TFIP11: variants seen among roughly 807,000 people sequenced by gnomAD.
The protein encoded by TFIP11 is tuftelin-interacting protein 11.
A neutral mutation model predicts 96.8 loss-of-function variants in TFIP11; 86 were observed. That is an observed-to-expected ratio of 0.89 (90% CI 0.75 to 1.06). The LOEUF is 1.06. TFIP11 is among the 50% of genes least tolerant of loss of function. TFIP11 has a pLI of 0.00. For synonymous variants in TFIP11, 405 were observed against 395.2 expected (o/e 1.02, Z -0.29); for missense variants, 881 against 1,076.7 (o/e 0.82, Z 2.54).
intron 12 of TFIP11, among the ~76,000 whole-genome samples, chr22:26,495,593 TATATAC>T (rs1222543182): frequency 3.2e-5 from 1 of 31,474 alleles, no homozygotes; most frequent in African/African-American, 7.3e-5. Context: ...TGTGTATACA[TATATAC>T]ATATATATGT....
At chr22:26,508,280 C>G (rs1923662239) in intron 4 of TFIP11, among the ~76,000 whole-genome samples, 1 of 152,162 alleles carries the variant, frequency 6.6e-6, no homozygotes, top group Admixed American at 6.5e-5. Context: ...GGTCCAGGTT[C>G]CAATTCTAGC....
At chr22:26,492,576 A>G in intron 14 of TFIP11, 1 of 578,590 alleles carries the variant, frequency 1.7e-6, no homozygotes, top group Non-Finnish European at 3.1e-6. Flanking sequence ...GCTAGTATCT[A>G]GTAACCAGAT....
chr22:26,492,669 GCCACTCTTCTGTTC>G (rs1430910715), intron 14 of TFIP11: 2 of 355,098 alleles, frequency 5.6e-6, no homozygotes, highest in East Asian at 1.3e-4. Context: ...AGAGTCCTCA[GCCACTCTTCTGTTC>G]CCACCTTGCT....
intron 8 of TFIP11, 114 bp from the exon 9 acceptor site, chr22:26,499,745 A>G: frequency 8.9e-7 from 1 of 1,121,766 alleles, no homozygotes; most frequent in South Asian, 1.5e-5. Flanking sequence ...ACATTATTCA[A>G]CAGAGCTGGA....
chr22:26,493,356 C>G (rs1245268883), intron 14 of TFIP11: 3 of 152,252 alleles, frequency 2.0e-5, no homozygotes, highest in Non-Finnish European at 4.4e-5. Context: ...ATTAAAGACT[C>G]AGGAAATAGA....
chr22:26,509,229 A>T (rs767328276), intron 4 of TFIP11, among the ~76,000 whole-genome samples: 1 of 152,112 alleles, frequency 6.6e-6, no homozygotes, highest in African/African-American at 2.4e-5. Flanking sequence ...AGCCTTTCAT[A>T]TCCTTGTGGA....
chr22:26,497,168 A>C (rs564799802), intron 10 of TFIP11, among the ~76,000 whole-genome samples: 41 of 152,278 alleles, frequency 2.7e-4, no homozygotes, highest in Non-Finnish European at 4.7e-4. Flanking sequence ...CCAGGTATCA[A>C]GTGCTTTCCC....
chr22:26,510,295 C>CA lies in TFIP11; in HGVS notation c.-9-15dup. 6.2e-7 allele frequency: 1 copy of CA among 1,613,264 alleles called. No individual in the cohort carries two copies. The highest frequency in any genetic ancestry group is 8.5e-7 in the Non-Finnish European group (1 of 1,179,296). Reference sequence around the variant, plus strand: ...CATGGCCAGTCACTAAAGGAAGAGACAAAAAGAGCACAGGCCGTAAGTCCT... The same window carrying CA: ...CATGGCCAGTCACTAAAGGAAGAGACAAAAAAGAGCACAGGCCGTAAGTCCT... On this transcript the variant is annotated splice_polypyrimidine_tract_variant and intron_variant, in intron 3 of 14. Coordinates refer to ENST00000407690, the MANE Select transcript of TFIP11 (RefSeq NM_012143.4).
chr22:26,493,677 A>G (rs2147118371), intron 14 of TFIP11: 2 of 170,606 alleles, frequency 1.2e-5, no homozygotes, highest in South Asian at 2.8e-4. Flanking sequence ...ACAAGCATGA[A>G]CTCACTCTCC....
intron 12 of TFIP11, 119 bp downstream of exon 12, chr22:26,495,954 A>G: frequency 7.2e-7 from 1 of 1,394,260 alleles, no homozygotes; most frequent in Non-Finnish European, 9.6e-7. Context: ...ACAGCAAGGA[A>G]TATTGTGTAC....
chr22:26,503,849 T>A, intron 6 of TFIP11, 56 bp from the exon 7 acceptor site: 1 of 1,596,088 alleles, frequency 6.3e-7, no homozygotes, highest in Middle Eastern at 1.7e-4. Context: ...AATTCATGTA[T>A]GTGAATCAGC....
intron 8 of TFIP11, among the ~76,000 whole-genome samples, chr22:26,500,799 C>A (rs1239776242): frequency 6.6e-6 from 1 of 151,648 alleles, no homozygotes; most frequent in Non-Finnish European, 1.5e-5. Flanking sequence ...AGGTCTATGA[C>A]ACACTACATA....
chr22:26,510,839 TAGTC>T (rs1287336821), intron 2 of TFIP11, 137 bp from the exon 3 acceptor site: 8 of 153,754 alleles, frequency 5.2e-5, no homozygotes, highest in Non-Finnish European at 1.2e-4. Context: ...ACTATTTTAA[TAGTC>T]AGATGTCCAG....
intron 7 of TFIP11, 40 bp downstream of exon 7, chr22:26,503,626 A>T: frequency 6.2e-7 from 1 of 1,609,458 alleles, no homozygotes; most frequent in Non-Finnish European, 8.5e-7. Context: ...TTAGAAATGG[A>T]CAGGACACCA....
At chr22:26,510,763 T>C in intron 2 of TFIP11, 61 bp from the exon 3 acceptor site, 1 of 155,256 alleles carries the variant, frequency 6.4e-6, no homozygotes, top group Non-Finnish European at 1.4e-5. Flanking sequence ...TGAAACAAAA[T>C]TTTCAGTTTT....
In TFIP11 at chr22:26,503,724, C is replaced by G; in HGVS notation, c.590G>C (p.Arg197Pro). ...GAAGTCTTGCATGGACTGAGTGGTG[C>G]GCTCGGATCCATAAGCCCCCACAGC... ...KGAVGAYGSE[R>P]TTQSMQDFPV... Residue 197 changes from arginine to proline, a missense_variant, in exon 7 of 15, where the codon CGC (arginine) becomes CCC (proline). Arg to Pro is a moderately radical substitution (Grantham distance 103). Transcript: ENST00000407690. The G allele has an allele frequency of 1.2e-6, 2 of 1,613,946 alleles. No homozygotes were observed. Among genetic ancestry groups the G allele is most frequent in the Non-Finnish European group, 1.7e-6 (2 of 1,180,004 alleles).
Position 26,494,994 on chromosome 22 carries a change from A to C in TFIP11, c.1850-55T>G, listed in dbSNP as rs1921740811. 1.2e-5 allele frequency: 20 copies of C among 1,605,790 alleles called. No homozygotes were observed. The Middle Eastern group carries it at 1.2e-3, about 93-fold the overall frequency. On this transcript the variant is annotated intron_variant, in intron 12 of 14. Transcript: ENST00000407690. ...AGCTTTAGTACTGGCAAAGCCAAAG[A>C]AGCACAAAGAGCAAAGACAATGTCC... is the stretch of plus-strand genomic sequence containing the variant.
chr22:26,502,960 A>T (rs544087448), intron 7 of TFIP11, among the ~76,000 whole-genome samples: 1 of 152,302 alleles, frequency 6.6e-6, no homozygotes, highest in South Asian at 2.1e-4. Flanking sequence ...ACATTTATCA[A>T]ATAACTCTTT....
chr22:26,503,648 C>T lies in TFIP11; in HGVS notation c.648+18G>A. ...TGGACAGGACACCATCCACCCATGT[C>T]TCCTGACTTCCAGTTACCTCTTCAG... On this transcript the variant is annotated intron_variant, in intron 7 of 14. Coordinates refer to ENST00000407690, the MANE Select transcript of TFIP11 (RefSeq NM_012143.4). The T allele has an allele frequency of 6.2e-7, 1 of 1,613,382 alleles. No homozygotes were observed. The highest frequency in any genetic ancestry group is 8.5e-7 in the Non-Finnish European group (1 of 1,179,774).
Sources: allele counts gnomAD v4.1 joint callset (sites outside exome capture counted in the v4.1 genomes callset), GRCh38; gene constraint gnomAD v4.1.1; transcripts MANE v1.5; gene names NCBI Gene and HGNC (gene_info 2026-07-23, HGNC 2026-07-21).